The following NSUN6 variants were observed in gnomAD, a reference collection of about 807,000 sequenced individuals.
The protein encoded by NSUN6 is tRNA (cytosine(72)-C(5))-methyltransferase NSUN6.
Under a neutral mutation model 58.0 loss-of-function variants are expected in NSUN6, and 64 were observed. The ratio of observed to expected loss-of-function variants is 1.10; its 90% CI spans 0.90 to 1.36. The LOEUF (loss-of-function observed/expected upper bound fraction) is 1.36, where lower values mean the gene tolerates loss of function less well. Among genes scored for constraint, NSUN6 ranks in the 40% most tolerant of loss-of-function variants. NSUN6 has a pLI of 0.00. For synonymous variants in NSUN6, 231 were observed against 193.9 expected, an observed-to-expected ratio of 1.19 and a Z score of -1.59; for missense variants, 701 against 550.1, an observed-to-expected ratio of 1.27 and a Z score of -2.74.
intron 6 of NSUN6, among the ~76,000 whole-genome samples, chr10:18,605,419 C>T (rs923094746): frequency 1.3e-5 from 2 of 152,072 alleles, no homozygotes; most frequent in African/African-American, 4.8e-5. Context: ...TTGAAGTGCC[C>T]ATTCCTGACT....
At chr10:18,594,414 A>G (rs557745503) in intron 7 of NSUN6, among the ~76,000 whole-genome samples, 1 of 150,928 alleles carries the variant, frequency 6.6e-6, no homozygotes, top group African/African-American at 2.4e-5. Flanking sequence ...TACCAGGTTC[A>G]GTGATAGACA....
Position 18,643,468 on chromosome 10 carries a change from A to C in NSUN6, c.232-913T>G, listed in dbSNP as rs767722790. Among the ~76,000 whole-genome samples, 7 of 152,148 alleles carry C rather than the reference A, an allele frequency of 4.6e-5. No homozygotes were observed. The South Asian group carries it at 6.2e-4, about 14-fold the overall frequency. ...TTGCATTGCCCCACAGGATTCATAC[A>C]CTATCTACAGAAAACTTCTGAGATC... On this transcript the variant is annotated intron_variant, in intron 2 of 10. Transcript: ENST00000377304.
chr10:18,608,431 T>C (rs911292214), intron 6 of NSUN6, among the ~76,000 whole-genome samples: 4 of 152,056 alleles, frequency 2.6e-5, no homozygotes, highest in Non-Finnish European at 5.9e-5. Flanking sequence ...AACTCAGGAA[T>C]TCAAGACCAG....
upstream of NSUN6, chr10:18,658,722 G>C: frequency 9.1e-6 from 8 of 883,850 alleles, no homozygotes; most frequent in Non-Finnish European, 1.1e-5. Flanking sequence ...TCACGACAGG[G>C]GCCGGGCGCG....
chr10:18,604,511 C>A (rs931194484), intron 6 of NSUN6, among the ~76,000 whole-genome samples: 1 of 152,166 alleles, frequency 6.6e-6, no homozygotes, highest in Admixed American at 6.5e-5. Context: ...AATACAGAAT[C>A]GCAGAATCCA....
chr10:18,630,944 CA>C (rs1181876931), intron 3 of NSUN6, among the ~76,000 whole-genome samples: 2 of 151,662 alleles, frequency 1.3e-5, no homozygotes, highest in African/African-American at 4.8e-5. Flanking sequence ...GGCAGAGACA[CA>C]ACCAAAAAAG....
chr10:18,611,646 T>TA (rs2131329195), intron 5 of NSUN6, among the ~76,000 whole-genome samples: 1 of 152,160 alleles, frequency 6.6e-6, no homozygotes, highest in South Asian at 2.1e-4. Flanking sequence ...CCTCCCAACT[T>TA]AGCCTCCCCA....
chr10:18,630,320 C>A (rs2058981794), intron 3 of NSUN6, among the ~76,000 whole-genome samples: 1 of 149,796 alleles, frequency 6.7e-6, no homozygotes. Flanking sequence ...CCAAAATTGA[C>A]ACCCTAACAT....
chr10:18,593,868 G>C lies in NSUN6; in HGVS notation c.777+2340C>G, dbSNP rs1418964133. On this transcript the variant is annotated intron_variant, in intron 7 of 10. Transcript: ENST00000377304. Reference sequence around the variant, plus strand: ...CTGCAGGTGTATTGCAGAACTTAAAGCACAATTAAAAAAAAAAAAAAAGGG... The same window carrying C: ...CTGCAGGTGTATTGCAGAACTTAAACCACAATTAAAAAAAAAAAAAAAGGG... Among the ~76,000 whole-genome samples the C allele has an allele frequency of 7.8e-5, 11 of 141,194 alleles. No individual in the cohort carries two copies. In the East Asian group the frequency reaches 1.8e-3, roughly 23 times the overall value. The allele number at this position is 141,194 out of a possible 152,430, so 92.6% of individuals were successfully genotyped here.
chr10:18,642,595 T>G, intron 2 of NSUN6, 40 bp from the exon 3 acceptor site: 1 of 947,126 alleles, frequency 1.1e-6, no homozygotes, highest in Non-Finnish European at 1.7e-6. Flanking sequence ...ATCCATACAT[T>G]TGATACATTT....
At chr10:18,588,613 C>G (rs2131142115) in intron 7 of NSUN6, among the ~76,000 whole-genome samples, 1 of 152,294 alleles carries the variant, frequency 6.6e-6, no homozygotes, top group Non-Finnish European at 1.5e-5. Flanking sequence ...TCTGCAGCCT[C>G]CACTGGTGAT....
chr10:18,595,010 G>C (rs2057530169), intron 7 of NSUN6, among the ~76,000 whole-genome samples: 1 of 152,202 alleles, frequency 6.6e-6, no homozygotes, highest in Non-Finnish European at 1.5e-5. Flanking sequence ...TGCTGGGCCA[G>C]CCTGCTGGTC....
At chr10:18,628,850 A>G (rs1365056096) in intron 3 of NSUN6, among the ~76,000 whole-genome samples, 2 of 152,210 alleles carry the variant, frequency 1.3e-5, no homozygotes, top group South Asian at 2.1e-4. Context: ...ATCCAGGAGA[A>G]CTTCCCCACT....
At chr10:18,548,526 C>CA (rs1217020761) in intron 9 of NSUN6, among the ~76,000 whole-genome samples, 5 of 152,146 alleles carry the variant, frequency 3.3e-5, no homozygotes, top group African/African-American at 1.2e-4. Context: ...TGAAAACTCA[C>CA]AAATTTACAT....
At position 18,615,993 on chromosome 10, in the gene NSUN6, A is replaced by C. The variant is rs530605140; in HGVS notation, c.421+191T>G. Among the ~76,000 whole-genome samples, 20 of 151,966 alleles carry C rather than the reference A, an allele frequency of 1.3e-4. No individual in the cohort carries two copies. In the East Asian group the frequency reaches 1.9e-3, roughly 15 times the overall value. ...CCTTATTTGGAAGGAAAAAAAAAAA[A>C]CCATCAGAAAACCTTATATGATGAC... On this transcript the variant is annotated intron_variant, in intron 4 of 10. Transcript: ENST00000377304.
intron 4 of NSUN6, among the ~76,000 whole-genome samples, chr10:18,615,066 C>G (rs904529090): frequency 6.6e-6 from 1 of 150,518 alleles, no homozygotes; most frequent in African/African-American, 2.5e-5. Context: ...TATGACAGCA[C>G]GATTAAGGCA....
rs2057584198 is a variant in NSUN6, at chr10:18,596,319, T to C, written c.666A>G (p.Pro222=). 1.9e-6 allele frequency: 3 copies of C among 1,576,734 alleles called. No individual in the cohort carries two copies. Among genetic ancestry groups the C allele is most frequent in the South Asian group, 1.1e-5 (1 of 89,998 alleles). ...LPRYLFLQNL[P]SALVSHVLNP... Reference sequence around the variant, plus strand: ...TTAGTACATGACTTACTAAGGCAGATGGCAAATTCTATAAGGAAAAAAATG... The same window carrying C: ...TTAGTACATGACTTACTAAGGCAGACGGCAAATTCTATAAGGAAAAAAATG... The change falls in exon 7 of 11, where the codon CCA becomes CCG. Residue 222 remains proline, a synonymous_variant. Transcript: ENST00000377304.
At chr10:18,577,295 G>C (rs1209801912) in intron 8 of NSUN6, among the ~76,000 whole-genome samples, 1 of 152,170 alleles carries the variant, frequency 6.6e-6, no homozygotes. Flanking sequence ...CAAAGGCATT[G>C]CAAGGTCTGA....
At chr10:18,548,310 G>C in intron 9 of NSUN6, 73 bp from the exon 10 acceptor site, 1 of 1,278,692 alleles carries the variant, frequency 7.8e-7, no homozygotes, top group South Asian at 1.4e-5. Flanking sequence ...CAAAGCAAAA[G>C]GTATAATGTC....
Sources: gnomAD v4.1 joint callset for allele counts (sites outside exome capture counted in the v4.1 genomes callset) on GRCh38, gnomAD v4.1.1 for gene constraint, MANE v1.5 for transcripts, NCBI Gene and HGNC (gene_info 2026-07-23, HGNC 2026-07-21) for gene names.